The following CDK14 variants were observed in gnomAD, a reference collection of about 807,000 sequenced individuals.
The protein encoded by CDK14 is cyclin-dependent kinase 14.
Under a neutral mutation model 60.7 loss-of-function variants are expected in CDK14, and 34 were observed. That is an observed-to-expected ratio of 0.56 (90% confidence interval 0.43 to 0.75). The LOEUF (loss-of-function observed/expected upper bound fraction) is 0.75. Ranked by LOEUF, CDK14 falls within the 30% of genes least tolerant of loss-of-function variation. The probability of loss-of-function intolerance (pLI) is 0.00; values close to 1 mark genes in which losing one functional copy is unlikely to be tolerated. For missense variants in CDK14, 482 were observed against 564.1 expected (o/e 0.85, Z 1.47); for synonymous variants, 197 against 203.7 (o/e 0.97, Z 0.28).
intron 10 of CDK14, among the ~76,000 whole-genome samples, chr7:91,023,014 A>T (rs1481550756): frequency 2.4e-4 from 23 of 97,550 alleles, no homozygotes; most frequent in Admixed American, 2.2e-3. Flanking sequence ...TGAAGTATAT[A>T]TTTTTTTTTT....
intron 6 of CDK14, among the ~76,000 whole-genome samples, chr7:90,879,716 A>G (rs1290905145): frequency 6.6e-6 from 1 of 152,152 alleles, no homozygotes. Context: ...CACATTGTGC[A>G]CATGTACCCT....
chr7:91,028,914 AT>A (rs1321628961), intron 10 of CDK14, among the ~76,000 whole-genome samples: 1 of 151,866 alleles, frequency 6.6e-6, no homozygotes, highest in Admixed American at 6.6e-5. Context: ...AATTCTATTG[AT>A]TATTAATATT....
intron 14 of CDK14, among the ~76,000 whole-genome samples, chr7:91,129,983 C>T (rs982991716): frequency 2.6e-5 from 4 of 152,186 alleles, no homozygotes; most frequent in East Asian, 1.9e-4. Context: ...TAACAGAATA[C>T]GAAGAGTTCA....
rs1391851789 is a variant in CDK14 at position 90,596,756 on chromosome 7, C to G, written c.91+38C>G. 3 of 1,536,004 alleles carry G rather than the reference C, an allele frequency of 2.0e-6. No individual in the cohort carries two copies. The East Asian group carries it at 6.8e-5, about 35-fold the overall frequency. Reference sequence around the variant, plus strand: ...CTGCCCCCGGCCCCCCCAGCGCCCGCTCCCCTCGGCCTGCGCCCCCGCCGC... The same window carrying G: ...CTGCCCCCGGCCCCCCCAGCGCCCGGTCCCCTCGGCCTGCGCCCCCGCCGC... On this transcript the variant is annotated intron_variant, in intron 1 of 14. Coordinates refer to ENST00000380050, the MANE Select transcript of CDK14 (RefSeq NM_001287135.2).
At chr7:90,641,471 C>T (rs989977200) in intron 2 of CDK14, among the ~76,000 whole-genome samples, 9 of 152,056 alleles carry the variant, frequency 5.9e-5, no homozygotes, top group Admixed American at 4.6e-4. Flanking sequence ...ATAGATGCTG[C>T]AACATGAGTG....
intron 5 of CDK14, chr7:90,824,562 A>G (rs140116261): frequency 5.3e-5 from 8 of 152,334 alleles, no homozygotes; most frequent in African/African-American, 1.9e-4. Context: ...AGGGGAAATC[A>G]TGTGGATGTA....
intron 13 of CDK14, among the ~76,000 whole-genome samples, chr7:91,113,377 T>TAA (rs1407898988): frequency 6.6e-6 from 1 of 152,244 alleles, no homozygotes; most frequent in East Asian, 1.9e-4. Context: ...TTTGTTTTTA[T>TAA]AAAAGTCTAC....
At chr7:90,812,623 TAAAA>T (rs1174129836) in intron 5 of CDK14, among the ~76,000 whole-genome samples, 4 of 151,880 alleles carry the variant, frequency 2.6e-5, no homozygotes, top group African/African-American at 9.7e-5. Flanking sequence ...ATAATAATAA[TAAAA>T]AAAGAAATAT....
At chr7:90,918,307 G>A (rs1223655563) in intron 8 of CDK14, among the ~76,000 whole-genome samples, 1 of 152,148 alleles carries the variant, frequency 6.6e-6, no homozygotes, top group Non-Finnish European at 1.5e-5. Context: ...TTCAATATCA[G>A]TGCAAAAATA....
In CDK14 at chr7:91,071,334, A is replaced by T. The variant is rs747160478; in HGVS notation, c.1106-8098A>T. Among the ~76,000 whole-genome samples the T allele has an allele frequency of 2.3e-4, 35 of 152,310 alleles. No homozygotes were observed. In the Middle Eastern group the frequency reaches 0.014, roughly 59 times the overall value. ...GCTATCCTGCACTGGCAACCAAGGT[A>T]TCCAGGTTCTGTCATGGGGACAGAC... On this transcript the variant is annotated intron_variant, in intron 11 of 14. Transcript: ENST00000380050.
chr7:90,867,168 CT>C (rs1345319199), intron 6 of CDK14, among the ~76,000 whole-genome samples: 1 of 152,230 alleles, frequency 6.6e-6, no homozygotes, highest in Admixed American at 6.5e-5. Context: ...GCTCAGTTAG[CT>C]TGAAAAGGAA....
chr7:90,727,217 C>T (rs928058641), intron 3 of CDK14, among the ~76,000 whole-genome samples: 18 of 152,034 alleles, frequency 1.2e-4, no homozygotes, highest in African/African-American at 3.4e-4. Context: ...TGTTCACTTG[C>T]GTTAATCCAG....
rs758337396 is a variant in CDK14, at chr7:90,726,307, A to G, written c.124-260A>G. 4.9e-5 allele frequency: 48 copies of G among 983,936 alleles called. No homozygotes were observed. In the Admixed American group the frequency reaches 6.2e-4, roughly 13 times the overall value. 61.0% of individuals were successfully genotyped at this position (983,936 alleles called of 1,614,324 possible). On this transcript the variant is annotated intron_variant, in intron 2 of 14. Transcript: ENST00000380050. ...AGTTCAAGAATCATGTTAGGGTACT[A>G]CTAGCAGCCTGGGCCTTAAGTTTCT...
In CDK14 at chr7:90,709,769, G is replaced by C. The variant is rs1394083735; in HGVS notation, c.124-16798G>C. 7.9e-6 allele frequency: 11 copies of C among 1,397,896 alleles called. No homozygotes were observed. In the South Asian group the frequency reaches 1.5e-4, roughly 19 times the overall value. The allele number at this position is 1,397,896 out of a possible 1,614,324, so 86.6% of individuals were successfully genotyped here. On this transcript the variant is annotated intron_variant, in intron 2 of 14. Transcript: ENST00000380050. ...TTAGCTTCTCTTAGGGGATTTCTGG[G>C]CTTTTTTTTTTTTGCTTGCTTATGC...
At chr7:90,733,348 AG>A (rs1365960181) in intron 3 of CDK14, among the ~76,000 whole-genome samples, 2 of 152,190 alleles carry the variant, frequency 1.3e-5, no homozygotes, top group Non-Finnish European at 2.9e-5. Context: ...GATATCATTT[AG>A]GTCTGTTTGG....
intron 11 of CDK14, among the ~76,000 whole-genome samples, chr7:91,049,836 G>A (rs186940657): frequency 6.6e-6 from 1 of 152,174 alleles, no homozygotes; most frequent in African/African-American, 2.4e-5. Context: ...GATCCTTACA[G>A]GGAGAGACAT....
At chr7:90,601,337 A>G (rs1447249876) in intron 1 of CDK14, among the ~76,000 whole-genome samples, 2 of 152,226 alleles carry the variant, frequency 1.3e-5, no homozygotes, top group East Asian at 3.9e-4. Context: ...CAGTGACCTG[A>G]TGAACATCTG....
intron 2 of CDK14, among the ~76,000 whole-genome samples, chr7:90,641,693 A>G (rs939440348): frequency 2.8e-4 from 43 of 152,294 alleles, no homozygotes; most frequent in African/African-American, 9.6e-4. Flanking sequence ...TGAGATCATC[A>G]AAGTGGATTT....
At chr7:90,859,538 T>C (rs759337903) in intron 5 of CDK14, among the ~76,000 whole-genome samples, 3 of 152,216 alleles carry the variant, frequency 2.0e-5, no homozygotes, top group Non-Finnish European at 4.4e-5. Context: ...TGTTAAAACA[T>C]GGGTAAATCT....
Sources: gnomAD v4.1 joint callset for allele counts (sites outside exome capture counted in the v4.1 genomes callset) on GRCh38, gnomAD v4.1.1 for gene constraint, MANE v1.5 for transcripts, NCBI Gene and HGNC (gene_info 2026-07-23, HGNC 2026-07-21) for gene names.